GPHN: variants seen among roughly 807,000 people sequenced by gnomAD.
The protein encoded by GPHN is gephyrin.
A neutral mutation model predicts 95.5 loss-of-function variants in GPHN; 17 were observed. That is an observed-to-expected ratio of 0.18 (90% confidence interval 0.12 to 0.27). The LOEUF (loss-of-function observed/expected upper bound fraction) is 0.27. Among genes scored for constraint, GPHN ranks in the 10% least tolerant of loss-of-function variants. The pLI, the probability that GPHN is intolerant of heterozygous loss-of-function variation, is 1.00. For missense variants in GPHN, 660 were observed against 978.1 expected (o/e 0.67, Z 4.34); for synonymous variants, 320 against 322.5 (o/e 0.99, Z 0.08).
chr14:67,395,648 A>G, the GPHN span: 41 of 1,466,784 alleles, frequency 2.8e-5, no homozygotes, highest in South Asian at 4.6e-4. Flanking sequence ...GGGCAGCAAA[A>G]ATGACGGGGC....
intron 10 of GPHN, among the ~76,000 whole-genome samples, chr14:67,053,718 A>G (rs2075418927): frequency 6.6e-6 from 1 of 152,226 alleles, no homozygotes; most frequent in South Asian, 2.1e-4. Context: ...TTCTCAATAA[A>G]ATACTGACAA....
Position 66,973,652 on chromosome 14 carries a change from G to A in GPHN, c.963+8327G>A, listed in dbSNP as rs370264134. On this transcript the variant is annotated intron_variant, in intron 9 of 22. Coordinates refer to ENST00000478722, the MANE Select transcript of GPHN (RefSeq NM_020806.5). ...TGGGCGCCTGTAATCCCAGCTACTC[G>A]GGAGGCTGAGGCAGGAGAATCGCTT... Among the ~76,000 whole-genome samples the A allele has an allele frequency of 5.4e-4, 82 of 152,198 alleles. 2 individuals are homozygous for A. The highest frequency in any genetic ancestry group is 1.9e-3 in the African/African-American group (80 of 41,544).
chr14:67,321,156 T>C, the GPHN span: 7 of 1,614,202 alleles, frequency 4.3e-6, no homozygotes, highest in Non-Finnish European at 5.9e-6. Flanking sequence ...GGAAAGTTCA[T>C]TGAGCATGGT....
At chr14:67,292,919 C>G in the GPHN span, among the ~76,000 whole-genome samples, 1 of 152,100 alleles carries the variant, frequency 6.6e-6, no homozygotes, top group Non-Finnish European at 1.5e-5. Flanking sequence ...AGTCAGAACA[C>G]TGTTTCATGA....
At chr14:66,836,840 A>T (rs1470696968) in intron 4 of GPHN, among the ~76,000 whole-genome samples, 2 of 152,064 alleles carry the variant, frequency 1.3e-5, no homozygotes, top group East Asian at 3.9e-4. Flanking sequence ...AACACATGAA[A>T]AAATGCTCAC....
intron 10 of GPHN, among the ~76,000 whole-genome samples, chr14:67,053,354 G>C (rs889092346): frequency 6.6e-6 from 1 of 151,956 alleles, no homozygotes; most frequent in Non-Finnish European, 1.5e-5. Context: ...AAATAAACTA[G>C]AAAATCTAGA....
At chr14:67,651,450 T>C in the GPHN span, 76 of 1,613,750 alleles carry the variant, frequency 4.7e-5, no homozygotes, top group Non-Finnish European at 5.4e-5. Flanking sequence ...AGTAAGATGA[T>C]AATGGAAAGC....
the GPHN span, chr14:67,571,679 A>G: frequency 6.7e-7 from 1 of 1,495,184 alleles, no homozygotes; most frequent in African/African-American, 1.4e-5. Flanking sequence ...TTGGACCAGG[A>G]GTGCAAGCTG....
chr14:67,640,631 G>A, the GPHN span, among the ~76,000 whole-genome samples: 3 of 152,136 alleles, frequency 2.0e-5, no homozygotes, highest in South Asian at 2.1e-4. Flanking sequence ...GATACGCCAC[G>A]TCTTATCTTG....
At chr14:66,686,839 G>T (rs1199172248) in intron 2 of GPHN, among the ~76,000 whole-genome samples, 2 of 152,128 alleles carry the variant, frequency 1.3e-5, no homozygotes, top group Non-Finnish European at 2.9e-5. Flanking sequence ...AGTTTTTAAA[G>T]AGAATGCTTC....
the GPHN span, chr14:67,302,355 C>T: frequency 3.2e-6 from 4 of 1,252,428 alleles, no homozygotes; most frequent in Non-Finnish European, 4.2e-6. Flanking sequence ...AAAATAAATG[C>T]TTAACAAAAA....
chr14:67,235,150 C>G, the GPHN span, among the ~76,000 whole-genome samples: 30 of 112,964 alleles, frequency 2.7e-4, no homozygotes, highest in Non-Finnish European at 3.0e-4. Context: ...GAGCAAAACT[C>G]CGTCTCAAAA....
At chr14:67,478,978 A>T in the GPHN span, among the ~76,000 whole-genome samples, 1 of 152,264 alleles carries the variant, frequency 6.6e-6, no homozygotes, top group Non-Finnish European at 1.5e-5. Context: ...GCATATGTGC[A>T]CATATACAAA....
At chr14:66,958,384 G>C (rs1259588190) in intron 8 of GPHN, among the ~76,000 whole-genome samples, 1 of 152,010 alleles carries the variant, frequency 6.6e-6, no homozygotes, top group East Asian at 1.9e-4. Flanking sequence ...GATCTAATTT[G>C]AATCTCTTGT....
the GPHN span, among the ~76,000 whole-genome samples, chr14:67,432,428 G>A: frequency 6.6e-6 from 1 of 152,228 alleles, no homozygotes; most frequent in South Asian, 2.1e-4. Context: ...AGAGAGACTT[G>A]CAGTTGGTCA....
chr14:67,711,438 T>C, the GPHN span, among the ~76,000 whole-genome samples: 1 of 152,248 alleles, frequency 6.6e-6, no homozygotes, highest in African/African-American at 2.4e-5. Context: ...TTATTAAATA[T>C]TTTACTTAAG....
the GPHN span, among the ~76,000 whole-genome samples, chr14:67,405,631 A>G: frequency 6.6e-6 from 1 of 152,162 alleles, no homozygotes; most frequent in Non-Finnish European, 1.5e-5. Context: ...TGGTATCCCA[A>G]TTCTGACATT....
the GPHN span, among the ~76,000 whole-genome samples, chr14:67,396,944 C>CTTT: frequency 0.012 from 1,646 of 138,606 alleles, no homozygotes; most frequent in African/African-American, 0.024. Context: ...TATTGGGAGA[C>CTTT]TTTTTTTTTT....
At chr14:67,439,593 C>CTTCTTCTTTCTTTTTCTTTCTTTCCTTCT in the GPHN span, among the ~76,000 whole-genome samples, 18 of 109,762 alleles carry the variant, frequency 1.6e-4, no homozygotes, top group African/African-American at 6.1e-4. Context: ...TTCTTTCTTT[C>CTTCTTCTTTCTTTTTCTTTCTTTCCTTCT]TTCTTTCTTT....
Sources: gnomAD v4.1 joint callset for allele counts (sites outside exome capture counted in the v4.1 genomes callset) on GRCh38, gnomAD v4.1.1 for gene constraint, MANE v1.5 for transcripts, NCBI Gene and HGNC (gene_info 2026-07-23, HGNC 2026-07-21) for gene names.